Variants in DCLK3 observed in about 807,000 individuals in gnomAD.
DCLK3 encodes doublecortin like kinase 3, also known as serine/threonine-protein kinase DCLK3.
A neutral mutation model predicts 46.4 loss-of-function variants in DCLK3; 30 were observed. The ratio of observed to expected loss-of-function variants is 0.65; its 90% CI spans 0.48 to 0.88. DCLK3 has a LOEUF of 0.88. Among genes scored for constraint, DCLK3 ranks in the 40% least tolerant of loss-of-function variants. The pLI, the probability that DCLK3 is intolerant of heterozygous loss-of-function variation, is 0.00. For synonymous variants in DCLK3, 401 were observed against 339.2 expected (o/e 1.18, Z -2.00); for missense variants, 846 against 907.1 (o/e 0.93, Z 0.87).
intron 2 of DCLK3, among the ~76,000 whole-genome samples, chr3:36,722,109 T>C (rs1382250570): frequency 2.0e-5 from 3 of 152,046 alleles, no homozygotes; most frequent in Non-Finnish European, 4.4e-5. Flanking sequence ...ACAGACTAGC[T>C]TTCATGAGCA....
At chr3:36,748,031 A>G (rs1701408059) in intron 1 of DCLK3, among the ~76,000 whole-genome samples, 3 of 152,170 alleles carry the variant, frequency 2.0e-5, no homozygotes, top group African/African-American at 7.2e-5. Context: ...AAGCCCTTGG[A>G]CTTGTATGTA....
Position 36,714,821 on chromosome 3 carries a change from T to G in DCLK3, c.*507A>C, listed in dbSNP as rs1265444576. 1 of 153,708 alleles carries G rather than the reference T, an allele frequency of 6.5e-6. No homozygotes were observed. The allele number at this position is 153,708 out of a possible 1,614,324, so 9.5% of individuals were successfully genotyped here. A position where few individuals can be genotyped will look rare whatever the true frequency, so the allele number is the denominator to read the frequency against. On this transcript the variant is annotated 3_prime_UTR_variant, in exon 5 of 5. Transcript: ENST00000636136. The stretch of plus-strand genomic sequence containing the variant: ...TAATCAAGTGTCCTTCACATCTATA[T>G]GTAGTCATATCAGCTTCAGGAGATA...
intron 1 of DCLK3, among the ~76,000 whole-genome samples, chr3:36,763,896 C>A (rs568727395): frequency 1.3e-5 from 2 of 152,340 alleles, no homozygotes; most frequent in South Asian, 2.1e-4. Context: ...CAGGAAGGGC[C>A]CCCCTGCTGG....
At chr3:36,720,828 T>C (rs1485661172) in intron 3 of DCLK3, among the ~76,000 whole-genome samples, 2 of 152,138 alleles carry the variant, frequency 1.3e-5, no homozygotes, top group African/African-American at 4.8e-5. Context: ...TTAATTATCC[T>C]GATGCTTCTG....
rs1178027106 is a variant in DCLK3 at position 36,738,522 on chromosome 3, C to T, written c.645G>A (p.Lys215=). ...CACAGCGGTGGTCTCCTTTCAGAGC[C>T]TTGCTAAACAGCCTGCTCCTCAGCC... ...SPRLRSRLFS[K]ALKGDHRCGE... The change falls in exon 2 of 5, where the codon AAG becomes AAA. Residue 215 remains lysine, a synonymous_variant. Coordinates refer to ENST00000636136, the MANE Select transcript of DCLK3 (RefSeq NM_001394672.2). 1.3e-6 allele frequency: 2 copies of T among 1,513,628 alleles called. No individual in the cohort carries two copies. Among genetic ancestry groups the T allele is most frequent in the East Asian group, 4.9e-5 (2 of 40,710 alleles). The allele number at this position is 1,513,628 out of a possible 1,614,324, so 93.8% of individuals were successfully genotyped here. A position where few individuals can be genotyped will look rare whatever the true frequency, so the allele number is the denominator to read the frequency against.
chr3:36,732,766 G>C (rs1047031870), intron 2 of DCLK3, among the ~76,000 whole-genome samples: 4 of 152,194 alleles, frequency 2.6e-5, no homozygotes, highest in Non-Finnish European at 5.9e-5. Context: ...GAATACCTCT[G>C]TCTTGGAAGC....
chr3:36,745,870 T>C (rs1466337175), intron 1 of DCLK3, among the ~76,000 whole-genome samples: 1 of 152,204 alleles, frequency 6.6e-6, no homozygotes, highest in African/African-American at 2.4e-5. Context: ...TGTAAACGAA[T>C]AAAAAATTGG....
Position 36,717,900 on chromosome 3 carries a change from T to G in DCLK3, c.2260+110A>C. 5 of 1,383,670 alleles carry G rather than the reference T, an allele frequency of 3.6e-6. No individual in the cohort carries two copies. In the South Asian group the frequency reaches 5.3e-5, roughly 15 times the overall value. The allele number at this position is 1,383,670 out of a possible 1,614,324, so 85.7% of individuals were successfully genotyped here. A position where few individuals can be genotyped will look rare whatever the true frequency, so the allele number is the denominator to read the frequency against. On this transcript the variant is annotated intron_variant, in intron 4 of 4. Coordinates refer to ENST00000636136, the MANE Select transcript of DCLK3 (RefSeq NM_001394672.2). ...TACTGAGGAAGTAAAGGCTGAGACA[T>G]GACATGTTGACAGTCCAACTCTGCA...
Position 36,748,291 on chromosome 3 carries a change from C to A in DCLK3, c.83-9207G>T, listed in dbSNP as rs189446536. 2.4e-3 allele frequency among the ~76,000 whole-genome samples: 365 copies of A among 151,742 alleles called. 2 individuals carry two copies. The highest frequency in any genetic ancestry group is 8.5e-3 in the African/African-American group (350 of 41,044). ...GAAAGAGGGGACAGTATGGCCTCTC[C>A]CCCTGTGCTCCCAATCCCAGAACAG... On this transcript the variant is annotated intron_variant, in intron 1 of 4. Transcript: ENST00000636136.
At chr3:36,752,380 C>G (rs1012051438) in intron 1 of DCLK3, among the ~76,000 whole-genome samples, 1 of 152,164 alleles carries the variant, frequency 6.6e-6, no homozygotes, top group South Asian at 2.1e-4. Context: ...AGAGCTGTCC[C>G]GGAATAATTA....
intron 2 of DCLK3, among the ~76,000 whole-genome samples, chr3:36,736,610 C>G (rs1337632737): frequency 6.6e-6 from 1 of 152,106 alleles, no homozygotes; most frequent in Admixed American, 6.5e-5. Context: ...AAAACAGGCA[C>G]CATTACCATC....
chr3:36,733,123 G>C (rs1343558040), intron 2 of DCLK3, among the ~76,000 whole-genome samples: 1 of 152,080 alleles, frequency 6.6e-6, no homozygotes, highest in Non-Finnish European at 1.5e-5. Context: ...CCAGAAAGAG[G>C]GTACAACCTT....
At chr3:36,725,233 A>T (rs1559387677) in intron 2 of DCLK3, among the ~76,000 whole-genome samples, 1 of 151,176 alleles carries the variant, frequency 6.6e-6, no homozygotes, top group East Asian at 2.0e-4. Context: ...AATAGCGTGA[A>T]CCCAGGAGGC....
chr3:36,761,253 G>T lies in DCLK3; in HGVS notation c.82+2929C>A, dbSNP rs150974406. On this transcript the variant is annotated intron_variant, in intron 1 of 4. Transcript: ENST00000636136. ...TTATGGGCTTCCCCTATAATCACTG[G>T]ATGAGTCCATGAAAATATTTCCCCT... Among the ~76,000 whole-genome samples, 892 of 152,300 alleles carry T rather than the reference G, an allele frequency of 5.9e-3. 4 individuals carry two copies. Among genetic ancestry groups the T allele is most frequent in the African/African-American group, 0.019 (772 of 41,570 alleles).
In DCLK3 at chr3:36,738,193, C is replaced by T; in HGVS notation, c.974G>A (p.Arg325Lys). 1 of 1,613,498 alleles carries T rather than the reference C, an allele frequency of 6.2e-7. No individual in the cohort carries two copies. The highest frequency in any genetic ancestry group is 8.5e-7 in the Non-Finnish European group (1 of 1,179,832). Residue 325 changes from arginine (R) to lysine (K), a missense_variant, in exon 2 of 5, where the codon AGG (arginine) becomes AAG (lysine). Physicochemically the swap from Arg to Lys is conservative, Grantham distance 26 (BLOSUM62 2). This residue lies in a region of DCLK3 where 553 missense variants were observed against 543.0 expected (regional missense o/e 1.02). Transcript: ENST00000636136. ...RELQQSLERE[R>K]LSLGTSELDM... is the part of the protein sequence containing the mutation. ...CAGCTCACTGGTCCCCAGAGAAAGC[C>T]TCTCACGCTCCAGGCTCTGCTGGAG...
intron 3 of DCLK3, among the ~76,000 whole-genome samples, chr3:36,720,373 C>G (rs995453623): frequency 1.2e-4 from 19 of 152,212 alleles, no homozygotes; most frequent in African/African-American, 4.3e-4. Flanking sequence ...AATTACCCAG[C>G]CTTCGTTATT....
intron 1 of DCLK3, among the ~76,000 whole-genome samples, chr3:36,754,489 T>C (rs959409337): frequency 6.6e-6 from 1 of 152,216 alleles, no homozygotes; most frequent in Non-Finnish European, 1.5e-5. Flanking sequence ...TCCTCTGACA[T>C]CATCTTTTCT....
intron 2 of DCLK3, among the ~76,000 whole-genome samples, chr3:36,735,817 G>A (rs560914657): frequency 6.6e-6 from 1 of 152,302 alleles, no homozygotes; most frequent in South Asian, 2.1e-4. Context: ...CAGGCAGCAT[G>A]GTATGGCCTT....
chr3:36,726,214 C>T (rs1322956892), intron 2 of DCLK3, among the ~76,000 whole-genome samples: 5 of 152,080 alleles, frequency 3.3e-5, no homozygotes, highest in Non-Finnish European at 7.4e-5. Flanking sequence ...GTTAAATAAT[C>T]AGACACAAGT....
Sources: allele counts gnomAD v4.1 joint callset (sites outside exome capture counted in the v4.1 genomes callset), GRCh38; gene constraint gnomAD v4.1.1; regional missense constraint gnomAD v4.1.1; transcripts MANE v1.5; gene names NCBI Gene and HGNC (gene_info 2026-07-23, HGNC 2026-07-21).